Variants in PDE7A observed in about 807,000 individuals in gnomAD.
PDE7A encodes high affinity 3',5'-cyclic-AMP phosphodiesterase 7A.
PDE7A carries 39 observed loss-of-function variants against 64.3 expected under a neutral mutation model. The ratio of observed to expected loss-of-function variants is 0.61; its 90% CI spans 0.47 to 0.79. The LOEUF is 0.79. Among genes scored for constraint, PDE7A ranks in the 30% least tolerant of loss-of-function variants. PDE7A has a pLI of 0.00. For missense variants in PDE7A, 470 were observed against 582.8 expected (o/e 0.81, Z 1.99); for synonymous variants, 203 against 206.8 (o/e 0.98, Z 0.16).
At chr8:65,816,633 C>T (rs1224542817) in intron 1 of PDE7A, among the ~76,000 whole-genome samples, 1 of 152,232 alleles carries the variant, frequency 6.6e-6, no homozygotes, top group African/African-American at 2.4e-5. Flanking sequence ...TCTTCACAGA[C>T]AGTTTTCTTC....
At chr8:65,763,627 C>T (rs1808621206) in intron 3 of PDE7A, among the ~76,000 whole-genome samples, 1 of 152,130 alleles carries the variant, frequency 6.6e-6, no homozygotes, top group Non-Finnish European at 1.5e-5. Flanking sequence ...CTCTTCAGAG[C>T]TGGGATGTGG....
intron 3 of PDE7A, among the ~76,000 whole-genome samples, chr8:65,772,615 A>G (rs1809137572): frequency 6.6e-6 from 1 of 152,228 alleles, no homozygotes; most frequent in Admixed American, 6.5e-5. Flanking sequence ...CACAAGGAAG[A>G]AACCTTAAGA....
rs998702065 is a variant in PDE7A, at chr8:65,745,490, T to C, written c.436-20A>G. ...CATACACTGAAATGAAAACCAAACA[T>C]TTCTACTGTAATTTAATTTCAATAA... On this transcript the variant is annotated intron_variant, in intron 4 of 12. Coordinates refer to ENST00000401827, the MANE Select transcript of PDE7A (RefSeq NM_001242318.3). 4 of 1,364,732 alleles carry C rather than the reference T, an allele frequency of 2.9e-6. No individual in the cohort carries two copies. The highest frequency in any genetic ancestry group is 4.2e-6 in the Non-Finnish European group (4 of 953,906). 84.5% of individuals were successfully genotyped at this position (1,364,732 alleles called of 1,614,324 possible).
intron 1 of PDE7A, among the ~76,000 whole-genome samples, chr8:65,830,249 T>A (rs141332905): frequency 9.7e-4 from 146 of 150,650 alleles, no homozygotes; most frequent in Non-Finnish European, 1.7e-3. Context: ...CTTTTTTTTT[T>A]AACATTTATT....
chr8:65,801,365 AT>A (rs1226639618), intron 1 of PDE7A, among the ~76,000 whole-genome samples: 1 of 152,226 alleles, frequency 6.6e-6, no homozygotes, highest in Non-Finnish European at 1.5e-5. Context: ...AGTTAAGAAA[AT>A]AATTATTCTG....
chr8:65,752,108 C>T (rs546386688), intron 3 of PDE7A, among the ~76,000 whole-genome samples: 3 of 152,338 alleles, frequency 2.0e-5, no homozygotes, highest in African/African-American at 7.2e-5. Context: ...CTTGAGATAT[C>T]ATCCTCTAAT....
intron 3 of PDE7A, among the ~76,000 whole-genome samples, chr8:65,751,663 TGTATTTTTA>T (rs796309089): frequency 2.0e-5 from 3 of 152,312 alleles, no homozygotes; most frequent in African/African-American, 7.2e-5. Flanking sequence ...CAGCTAATTT[TGTATTTTTA>T]GTAGAGACGG....
At chr8:65,726,698 C>T (rs1342804880) in intron 9 of PDE7A, among the ~76,000 whole-genome samples, 177 bp downstream of exon 9, 6 of 151,940 alleles carry the variant, frequency 3.9e-5, no homozygotes, top group African/African-American at 7.3e-5. Flanking sequence ...AAAATGTTAC[C>T]GACTATATAG....
chr8:65,818,092 T>C (rs1444094163), intron 1 of PDE7A, among the ~76,000 whole-genome samples: 2 of 152,012 alleles, frequency 1.3e-5, no homozygotes, highest in Non-Finnish European at 2.9e-5. Flanking sequence ...TATATTCTTG[T>C]TGAGAATCTC....
In PDE7A at chr8:65,715,020, C is replaced by G. The variant is rs753961029; in HGVS notation, c.*4270G>C. Among the ~76,000 whole-genome samples the G allele has an allele frequency of 1.1e-3, 160 of 152,034 alleles. No homozygotes were observed. Among genetic ancestry groups the G allele is most frequent in the Non-Finnish European group, 1.4e-3 (95 of 68,004 alleles). On this transcript the variant is annotated 3_prime_UTR_variant, in exon 13 of 13. Coordinates refer to ENST00000401827, the MANE Select transcript of PDE7A (RefSeq NM_001242318.3). ...TTGTCAAAATTTTCTCTCCAAGGAC[C>G]TTTTACTCCTAGAGCAGAGACTCCC...
intron 1 of PDE7A, among the ~76,000 whole-genome samples, chr8:65,803,855 G>A (rs369871651): frequency 6.6e-6 from 1 of 152,124 alleles, no homozygotes; most frequent in African/African-American, 2.4e-5. Flanking sequence ...TTTGCCACCA[G>A]CAGTTGGGAA....
chr8:65,720,900 A>C (rs1420091750), intron 12 of PDE7A, among the ~76,000 whole-genome samples: 3 of 152,172 alleles, frequency 2.0e-5, no homozygotes, highest in Admixed American at 6.5e-5. Context: ...AAGCCACTGG[A>C]GTTATCTACC....
chr8:65,778,594 G>A (rs894841164), intron 3 of PDE7A, among the ~76,000 whole-genome samples: 1 of 152,174 alleles, frequency 6.6e-6, no homozygotes, highest in African/African-American at 2.4e-5. Flanking sequence ...GTTATTTTAT[G>A]CCAATAAGTT....
At chr8:65,837,605 C>T (rs572308474) in intron 1 of PDE7A, among the ~76,000 whole-genome samples, 2 of 152,292 alleles carry the variant, frequency 1.3e-5, no homozygotes, top group East Asian at 1.9e-4. Flanking sequence ...AAAGCAAAGG[C>T]GTCTCATCAC....
intron 1 of PDE7A, among the ~76,000 whole-genome samples, chr8:65,841,009 G>A (rs1229351631): frequency 2.0e-5 from 3 of 152,216 alleles, no homozygotes; most frequent in African/African-American, 7.2e-5. Flanking sequence ...TTGCAAGGCG[G>A]GGGAGCACAG....
intron 1 of PDE7A, among the ~76,000 whole-genome samples, chr8:65,787,664 T>A (rs1809597104): frequency 6.6e-6 from 1 of 152,062 alleles, no homozygotes; most frequent in African/African-American, 2.4e-5. Flanking sequence ...GAGTAAAGTC[T>A]AGAGGCCAGG....
At chr8:65,769,263 A>T (rs1356264229) in intron 3 of PDE7A, among the ~76,000 whole-genome samples, 1 of 151,888 alleles carries the variant, frequency 6.6e-6, no homozygotes, top group Non-Finnish European at 1.5e-5. Flanking sequence ...AAAAAAAAAA[A>T]AAAAAAGTAA....
At chr8:65,798,206 A>ATATATATATATATATATTTTT in intron 1 of PDE7A, among the ~76,000 whole-genome samples, 4 of 73,800 alleles carry the variant, frequency 5.4e-5, no homozygotes, top group East Asian at 3.6e-4. Flanking sequence ...ATATATATAT[A>ATATATATATATATATATTTTT]TTTTTTTTTT....
chr8:65,740,228 A>AAC (rs1807352563), intron 5 of PDE7A, among the ~76,000 whole-genome samples: 1 of 152,156 alleles, frequency 6.6e-6, no homozygotes, highest in South Asian at 2.1e-4. Flanking sequence ...ACTCGTAGTC[A>AAC]ACACTGCCCA....
Sources: gnomAD v4.1 joint callset for allele counts (sites outside exome capture counted in the v4.1 genomes callset) on GRCh38, gnomAD v4.1.1 for gene constraint, MANE v1.5 for transcripts, NCBI Gene and HGNC (gene_info 2026-07-23, HGNC 2026-07-21) for gene names.